The following R3HDM2 variants were observed in gnomAD, a reference collection of about 807,000 sequenced individuals.
R3HDM2 encodes the protein R3H domain-containing protein 2.
In R3HDM2, 38 loss-of-function variants were observed where a neutral mutation model predicts 124.5. That is an observed-to-expected ratio of 0.31 (90% CI 0.24 to 0.40). R3HDM2 has a LOEUF of 0.40. R3HDM2 is among the 10% of genes least tolerant of loss of function. The probability of loss-of-function intolerance (pLI) is 1.00; values close to 1 mark genes in which losing one functional copy is unlikely to be tolerated. For synonymous variants in R3HDM2, 391 were observed against 448.0 expected (o/e 0.87, Z 1.61); for missense variants, 869 against 1,236.9 (o/e 0.70, Z 4.46).
In R3HDM2 at chr12:57,402,650, AT is replaced by A. The variant is rs1300133647; in HGVS notation, c.-105-6833del. On this transcript the variant is annotated intron_variant, in intron 1 of 23. Coordinates refer to ENST00000402412, the MANE Select transcript of R3HDM2 (RefSeq NM_001394031.1). ...CAGGCGTGGTGGCAGGCGCTTGTAA[AT>A]CTCAGCTACTCGGGAGGCTGAGGCG... Among the ~76,000 whole-genome samples the A allele has an allele frequency of 3.3e-5, 5 of 151,964 alleles. No individual in the cohort carries two copies. The East Asian group carries it at 9.7e-4, about 29-fold the overall frequency.
At position 57,254,829 on chromosome 12, in the gene R3HDM2, G is replaced by A. The variant is rs780988798; in HGVS notation, c.2917C>T (p.Arg973Ter). The A allele has an allele frequency of 1.2e-6, 2 of 1,610,300 alleles. No individual in the cohort carries two copies. Among genetic ancestry groups the A allele is most frequent in the Non-Finnish European group, 1.7e-6 (2 of 1,178,006 alleles). Residue 973 changes from arginine to a stop codon, truncating the protein, a stop_gained, in exon 24 of 24, where the codon CGA (arginine) becomes TGA (stop). Transcript: ENST00000402412. LOFTEE classifies it high-confidence loss of function. ...LNNSVSRFKL[R>*]MAKKNYDLRI... ...AGGTCATAGTTCTTTTTGGCCATTC[G>A]AAGTTTGAAGCGACTCACGGAGTTG...
chr12:57,334,963 C>T (rs1331150499), intron 2 of R3HDM2, among the ~76,000 whole-genome samples: 2 of 150,118 alleles, frequency 1.3e-5, no homozygotes, highest in Non-Finnish European at 3.0e-5. Flanking sequence ...CATAGTGAGA[C>T]CCCACCTCTA....
At chr12:57,388,646 T>C (rs2066227893) in intron 2 of R3HDM2, among the ~76,000 whole-genome samples, 1 of 152,096 alleles carries the variant, frequency 6.6e-6, no homozygotes, top group Non-Finnish European at 1.5e-5. Flanking sequence ...TATGAGTTAT[T>C]TGCGCAGGAG....
rs2069207125 is a variant in R3HDM2 at position 57,413,480 on chromosome 12, A to T, written c.-106+17240T>A. On this transcript the variant is annotated intron_variant, in intron 1 of 23. Coordinates refer to ENST00000402412, the MANE Select transcript of R3HDM2 (RefSeq NM_001394031.1). ...GCTGGGCACAGTGGCTCATGCCTGT[A>T]ATCCCAGCACTTTGGGAGGCGGAGG... Among the ~76,000 whole-genome samples, 3 of 151,654 alleles carry T rather than the reference A, an allele frequency of 2.0e-5. No individual in the cohort carries two copies. The South Asian group carries it at 6.3e-4, about 32-fold the overall frequency.
chr12:57,349,991 T>C (rs1451371378), intron 2 of R3HDM2, among the ~76,000 whole-genome samples: 1 of 152,120 alleles, frequency 6.6e-6, no homozygotes, highest in African/African-American at 2.4e-5. Context: ...GGTGGGCAGA[T>C]AATCTGAGGT....
At chr12:57,374,718 G>A (rs1324811646) in intron 2 of R3HDM2, among the ~76,000 whole-genome samples, 1 of 147,460 alleles carries the variant, frequency 6.8e-6, no homozygotes, top group African/African-American at 2.5e-5. Context: ...AAAAGGCCGG[G>A]CGCGGTGGCT....
At chr12:57,416,527 T>G (rs2069623437) in intron 1 of R3HDM2, among the ~76,000 whole-genome samples, 1 of 152,166 alleles carries the variant, frequency 6.6e-6, no homozygotes, top group African/African-American at 2.4e-5. Flanking sequence ...AGCACAGACT[T>G]CAGGCCAGGC....
chr12:57,325,845 T>C (rs761289173), intron 2 of R3HDM2, among the ~76,000 whole-genome samples: 1 of 150,056 alleles, frequency 6.7e-6, no homozygotes, highest in African/African-American at 2.5e-5. Context: ...GCCTGGTTTT[T>C]TCTTTTCTTT....
chr12:57,408,174 T>G (rs1297342658), intron 1 of R3HDM2, among the ~76,000 whole-genome samples: 1 of 151,960 alleles, frequency 6.6e-6, no homozygotes, highest in African/African-American at 2.4e-5. Flanking sequence ...CAAATGATCC[T>G]CCCACCTCGG....
At chr12:57,337,536 A>AT (rs151327031) in intron 2 of R3HDM2, among the ~76,000 whole-genome samples, 1,750 of 152,202 alleles carry the variant, frequency 0.011, 32 homozygotes, top group African/African-American at 0.04. Context: ...GTATTAAAGC[A>AT]TTTTTTTAAG....
intron 2 of R3HDM2, among the ~76,000 whole-genome samples, chr12:57,370,084 G>A (rs2063134865): frequency 6.6e-6 from 1 of 152,134 alleles, no homozygotes; most frequent in Non-Finnish European, 1.5e-5. Flanking sequence ...TTGGCTCTGT[G>A]TCCCCACCCA....
chr12:57,288,378 GTCTC>G (rs762285422), intron 12 of R3HDM2, among the ~76,000 whole-genome samples: 1 of 150,652 alleles, frequency 6.6e-6, no homozygotes, highest in African/African-American at 2.4e-5. Context: ...GTCCGTATAT[GTCTC>G]TCTCTCTCTC....
At chr12:57,421,450 CTTTT>C (rs71084752) in intron 1 of R3HDM2, among the ~76,000 whole-genome samples, 3 of 111,044 alleles carry the variant, frequency 2.7e-5, no homozygotes, top group Non-Finnish European at 3.6e-5. Flanking sequence ...ACACCCAGCT[CTTTT>C]TTTTTTTTTT....
chr12:57,383,235 G>T (rs981810241), intron 2 of R3HDM2, among the ~76,000 whole-genome samples: 1 of 152,120 alleles, frequency 6.6e-6, no homozygotes, highest in Admixed American at 6.6e-5. Flanking sequence ...TGAGAGGATC[G>T]CTTGAGCCAA....
At chr12:57,380,103 A>G (rs2064634389) in intron 2 of R3HDM2, among the ~76,000 whole-genome samples, 1 of 152,212 alleles carries the variant, frequency 6.6e-6, no homozygotes, top group African/African-American at 2.4e-5. Context: ...TGTAACAGAA[A>G]GAAGTCCAAA....
chr12:57,365,010 C>T (rs2062452815), intron 2 of R3HDM2, among the ~76,000 whole-genome samples: 1 of 147,374 alleles, frequency 6.8e-6, no homozygotes, highest in East Asian at 2.0e-4. Context: ...TGCCTGTAAT[C>T]CCAGCACTTC....
At chr12:57,302,148 G>T (rs565480297) in intron 4 of R3HDM2, among the ~76,000 whole-genome samples, 3 of 152,218 alleles carry the variant, frequency 2.0e-5, no homozygotes, top group Admixed American at 2.0e-4. Flanking sequence ...TGGCCTAGTG[G>T]TGTGTGCCTG....
rs767234283 is a variant in R3HDM2, at chr12:57,404,064, A to ATTTTTTTTTTTTTTT, written c.-105-8261_-105-8247dup. Among the ~76,000 whole-genome samples, 32 of 77,038 alleles carry ATTTTTTTTTTTTTTT rather than the reference A, an allele frequency of 4.2e-4. 4 individuals are homozygous for ATTTTTTTTTTTTTTT. Among genetic ancestry groups the ATTTTTTTTTTTTTTT allele is most frequent in the East Asian group, 1.5e-3 (3 of 2,036 alleles). 50.5% of individuals were successfully genotyped at this position (77,038 alleles called of 152,430 possible). Reference sequence around the variant, plus strand: ...ATAAAATAAAAAAAGTCCACTCCTAATTTTTTTTTTTTTTTTTGAGATGGA... The same window carrying ATTTTTTTTTTTTTTT: ...ATAAAATAAAAAAAGTCCACTCCTAATTTTTTTTTTTTTTTTTTTTTTTTTTTTTTTTGAGATGGA... On this transcript the variant is annotated intron_variant, in intron 1 of 23. Transcript: ENST00000402412.
chr12:57,340,195 G>T (rs1002491888), intron 2 of R3HDM2, among the ~76,000 whole-genome samples: 2 of 152,108 alleles, frequency 1.3e-5, no homozygotes, highest in Non-Finnish European at 2.9e-5. Context: ...AAACAAAACC[G>T]TCATCTTTTA....
Sources: gnomAD v4.1 joint callset for allele counts (sites outside exome capture counted in the v4.1 genomes callset) on GRCh38, gnomAD v4.1.1 for gene constraint, MANE v1.5 for transcripts, NCBI Gene and HGNC (gene_info 2026-07-23, HGNC 2026-07-21) for gene names.